Variants in WDR7 observed in about 807,000 individuals in gnomAD.
The protein encoded by WDR7 is WD repeat-containing protein 7.
WDR7 carries 46 observed loss-of-function variants against 169.4 expected under a neutral mutation model. That is an observed-to-expected ratio of 0.27 (90% CI 0.21 to 0.35). WDR7 has a LOEUF of 0.35. Among genes scored for constraint, WDR7 ranks in the 10% least tolerant of loss-of-function variants. The pLI, the probability that WDR7 is intolerant of heterozygous loss-of-function variation, is 1.00. For missense variants in WDR7, 1,534 were observed against 1,859.3 expected, an observed-to-expected ratio of 0.83 and a Z score of 3.22; for synonymous variants, 612 against 666.8, an observed-to-expected ratio of 0.92 and a Z score of 1.27.
At chr18:56,828,113 C>T (rs2045242137) in intron 20 of WDR7, among the ~76,000 whole-genome samples, 1 of 152,100 alleles carries the variant, frequency 6.6e-6, no homozygotes, top group Admixed American at 6.5e-5. Flanking sequence ...TTTGACTATC[C>T]TTTACAAGGA....
rs2047352616 is a variant in WDR7, at chr18:56,962,538, A to G, written c.4164+9A>G. On this transcript the variant is annotated intron_variant, in intron 26 of 27. Coordinates refer to ENST00000254442, the MANE Select transcript of WDR7 (RefSeq NM_015285.3). Reference sequence around the variant, plus strand: ...GGACTGGAAAATGTCAGGTAAATAAATCATTGTGACTTCCTCTCCATAAAG... The same window carrying G: ...GGACTGGAAAATGTCAGGTAAATAAGTCATTGTGACTTCCTCTCCATAAAG... The G allele has an allele frequency of 8.7e-6, 14 of 1,611,804 alleles. No homozygotes were observed. The highest frequency in any genetic ancestry group is 1.1e-5 in the Non-Finnish European group (13 of 1,178,368).
intron 19 of WDR7, among the ~76,000 whole-genome samples, chr18:56,798,291 G>A (rs2044618103): frequency 6.6e-6 from 1 of 152,130 alleles, no homozygotes; most frequent in Non-Finnish European, 1.5e-5. Context: ...GATTCTTTTG[G>A]ATATAACATA....
intron 14 of WDR7, among the ~76,000 whole-genome samples, chr18:56,742,792 T>C (rs2043640396): frequency 6.6e-6 from 1 of 152,120 alleles, no homozygotes; most frequent in Admixed American, 6.5e-5. Flanking sequence ...GGTTGCAGTG[T>C]GTTCTGGGAG....
chr18:56,713,927 T>C (rs1004285005), intron 12 of WDR7, among the ~76,000 whole-genome samples: 2 of 152,220 alleles, frequency 1.3e-5, no homozygotes, highest in African/African-American at 4.8e-5. Flanking sequence ...TTAAGTGCTT[T>C]TATTTAACAG....
intron 14 of WDR7, among the ~76,000 whole-genome samples, chr18:56,747,247 T>C (rs1441690615): frequency 6.6e-6 from 1 of 152,186 alleles, no homozygotes; most frequent in African/African-American, 2.4e-5. Context: ...ATTGTCACCA[T>C]TGACTTGCTG....
intron 20 of WDR7, among the ~76,000 whole-genome samples, chr18:56,847,470 G>A (rs1425054395): frequency 1.3e-5 from 2 of 152,132 alleles, no homozygotes; most frequent in East Asian, 1.9e-4. Context: ...GAATATTTTC[G>A]GGGGAGGAAT....
At position 56,679,379 on chromosome 18, in the gene WDR7, T is replaced by C; in HGVS notation, c.207T>C (p.Cys69=). ...TTGGTCATACAGCATCAATCACTTG[T>C]TTGTCTAAAGCTTGTGCTTCCAGTG... ...LLFGHTASIT[C]LSKACASSDK... is the part of the protein sequence containing the mutation. Residue 69 remains cysteine (C), a synonymous_variant, in exon 3 of 28, where the codon TGT becomes TGC. Transcript: ENST00000254442. The C allele has an allele frequency of 6.2e-7, 1 of 1,612,622 alleles. No homozygotes were observed. The highest frequency in any genetic ancestry group is 8.5e-7 in the Non-Finnish European group (1 of 1,178,742).
intron 26 of WDR7, among the ~76,000 whole-genome samples, chr18:56,999,496 G>C (rs1166627012): frequency 6.6e-6 from 1 of 152,008 alleles, no homozygotes; most frequent in African/African-American, 2.4e-5. Context: ...AAAATAATAG[G>C]AAAGAGAAGT....
intron 26 of WDR7, among the ~76,000 whole-genome samples, chr18:57,015,868 C>G (rs1271180501): frequency 6.6e-6 from 1 of 152,248 alleles, no homozygotes; most frequent in Non-Finnish European, 1.5e-5. Context: ...TTCTGAGGCA[C>G]TGACTGCCTT....
At chr18:56,876,390 G>A (rs559420743) in intron 20 of WDR7, among the ~76,000 whole-genome samples, 2 of 151,992 alleles carry the variant, frequency 1.3e-5, no homozygotes, top group Non-Finnish European at 2.9e-5. Flanking sequence ...CAAATACATT[G>A]CTATGATGGA....
chr18:56,716,316 A>T (rs934993743), intron 12 of WDR7, among the ~76,000 whole-genome samples: 12 of 152,160 alleles, frequency 7.9e-5, no homozygotes, highest in African/African-American at 2.9e-4. Flanking sequence ...TTGTAATACT[A>T]TTTCTCCGAA....
rs539322096 is a variant in WDR7, at chr18:56,835,906, A to G, written c.3304+19762A>G. ...AATTGTGATTCTTCTTGATATTTAG[A>G]TATTTGCAGTTGACTGTATATGATT... On this transcript the variant is annotated intron_variant, in intron 20 of 27. Coordinates refer to ENST00000254442, the MANE Select transcript of WDR7 (RefSeq NM_015285.3). Among the ~76,000 whole-genome samples, 9 of 152,320 alleles carry G rather than the reference A, an allele frequency of 5.9e-5. No homozygotes were observed. In the East Asian group the frequency reaches 1.2e-3, roughly 20 times the overall value.
intron 3 of WDR7, among the ~76,000 whole-genome samples, chr18:56,681,044 GACTTCATTAACC>G (rs753019028): frequency 5.3e-5 from 8 of 152,008 alleles, no homozygotes; most frequent in Non-Finnish European, 1.2e-4. Context: ...CTACTTACAA[GACTTCATTAACC>G]AAAACGGAAC....
At chr18:57,010,290 A>G (rs1217681192) in intron 26 of WDR7, 1 of 985,008 alleles carries the variant, frequency 1.0e-6, no homozygotes, top group Non-Finnish European at 1.2e-6. Flanking sequence ...ACTTTAATAA[A>G]TATTTCATAT....
intron 19 of WDR7, among the ~76,000 whole-genome samples, chr18:56,784,383 C>A (rs1241303407): frequency 2.0e-5 from 3 of 152,142 alleles, no homozygotes; most frequent in African/African-American, 7.2e-5. Flanking sequence ...GTGCACATTG[C>A]TGTACATTAT....
chr18:56,772,396 C>G (rs1469609238), intron 16 of WDR7, among the ~76,000 whole-genome samples: 3 of 152,118 alleles, frequency 2.0e-5, no homozygotes, highest in African/African-American at 7.2e-5. Context: ...GTGGCAGATA[C>G]AAGCAGGGCT....
At chr18:56,680,841 T>C (rs1244143757) in intron 3 of WDR7, among the ~76,000 whole-genome samples, 2 of 152,352 alleles carry the variant, frequency 1.3e-5, no homozygotes, top group African/African-American at 4.8e-5. Flanking sequence ...ATGACAAATA[T>C]AAAATCTCAG....
chr18:56,984,062 G>A (rs566000483), intron 26 of WDR7, among the ~76,000 whole-genome samples: 24 of 142,810 alleles, frequency 1.7e-4, no homozygotes, highest in South Asian at 6.3e-4. Context: ...TATTTTATCC[G>A]TTTGAAAAAA....
intron 13 of WDR7, among the ~76,000 whole-genome samples, chr18:56,730,355 C>T (rs1444584632): frequency 2.6e-5 from 4 of 152,270 alleles, no homozygotes; most frequent in African/African-American, 9.6e-5. Context: ...ACATTAAGAG[C>T]TTGAAAGGTG....
Sources: allele counts gnomAD v4.1 joint callset (sites outside exome capture counted in the v4.1 genomes callset), GRCh38; gene constraint gnomAD v4.1.1; transcripts MANE v1.5; gene names NCBI Gene and HGNC (gene_info 2026-07-23, HGNC 2026-07-21).